The following FAM171A1 variants were observed in gnomAD, a reference collection of about 807,000 sequenced individuals.
FAM171A1 encodes the protein family with sequence similarity 171 member A1, also known as protein FAM171A1.
A neutral mutation model predicts 74.9 loss-of-function variants in FAM171A1; 23 were observed. That is an observed-to-expected ratio of 0.31 (90% CI 0.22 to 0.44). The LOEUF (loss-of-function observed/expected upper bound fraction) is 0.44, where lower values mean the gene tolerates loss of function less well. Ranked by LOEUF, FAM171A1 falls within the 20% of genes least tolerant of loss-of-function variation. The pLI is 1.00. For synonymous variants in FAM171A1, 527 were observed against 505.7 expected (o/e 1.04, Z -0.57); for missense variants, 1,162 against 1,159.2 (o/e 1.00, Z -0.03).
chr10:15,234,784 C>A (rs1163373784), intron 5 of FAM171A1, among the ~76,000 whole-genome samples: 1 of 151,940 alleles, frequency 6.6e-6, no homozygotes, highest in Non-Finnish European at 1.5e-5. Flanking sequence ...TCCCGAGTAG[C>A]TGGGACTACA....
rs1319684342 is a variant in FAM171A1 at position 15,325,166 on chromosome 10, G to T, written c.98-41061C>A. Among the ~76,000 whole-genome samples, 6 of 152,274 alleles carry T rather than the reference G, an allele frequency of 3.9e-5. No homozygotes were observed. In the East Asian group the frequency reaches 1.2e-3, roughly 29 times the overall value. The stretch of plus-strand genomic sequence containing the variant: ...TGCAGAAAACACTCTACAATTTCCA[G>T]CTGTTCCAGCTGTTCTTTCTGAAGC... On this transcript the variant is annotated intron_variant, in intron 1 of 7. Transcript: ENST00000378116.
At chr10:15,324,898 G>C (rs1355451125) in intron 1 of FAM171A1, among the ~76,000 whole-genome samples, 3 of 152,182 alleles carry the variant, frequency 2.0e-5, no homozygotes, top group African/African-American at 4.8e-5. Context: ...TCCAATCACT[G>C]AGTAGAAACA....
chr10:15,276,444 G>A (rs1212442124), intron 2 of FAM171A1, among the ~76,000 whole-genome samples: 2 of 152,222 alleles, frequency 1.3e-5, no homozygotes, highest in Non-Finnish European at 2.9e-5. Flanking sequence ...CTCCCAAAGT[G>A]TTGGGATTAC....
chr10:15,361,042 C>T (rs1279216019), intron 1 of FAM171A1, among the ~76,000 whole-genome samples: 1 of 151,978 alleles, frequency 6.6e-6, no homozygotes, highest in Non-Finnish European at 1.5e-5. Context: ...TTTTGCAAGC[C>T]CTCGTCTTAC....
intron 2 of FAM171A1, among the ~76,000 whole-genome samples, chr10:15,276,758 C>CA (rs1251055050): frequency 6.6e-6 from 1 of 152,180 alleles, no homozygotes; most frequent in African/African-American, 2.4e-5. Flanking sequence ...GGTTAGAACT[C>CA]ACTGTAGCCT....
At chr10:15,292,521 C>A (rs1189498460) in intron 1 of FAM171A1, among the ~76,000 whole-genome samples, 1 of 152,140 alleles carries the variant, frequency 6.6e-6, no homozygotes, top group Non-Finnish European at 1.5e-5. Context: ...GGCTCTATTA[C>A]CCAGGCTAGA....
intron 1 of FAM171A1, among the ~76,000 whole-genome samples, chr10:15,301,328 A>G (rs566172303): frequency 6.7e-6 from 1 of 149,786 alleles, no homozygotes; most frequent in Non-Finnish European, 1.5e-5. Flanking sequence ...ACACGCCAAC[A>G]TGCCCACACG....
At chr10:15,313,107 AC>A (rs1185263575) in intron 1 of FAM171A1, among the ~76,000 whole-genome samples, 2 of 152,160 alleles carry the variant, frequency 1.3e-5, no homozygotes, top group Non-Finnish European at 2.9e-5. Context: ...GGAACAAAGC[AC>A]TGGCCCAGAA....
rs116316550 is a variant in FAM171A1 at position 15,345,587 on chromosome 10, C to T, written c.97+25369G>A. 6.8e-3 allele frequency among the ~76,000 whole-genome samples: 1,034 copies of T among 152,140 alleles called. 7 individuals carry two copies. The highest frequency in any genetic ancestry group is 0.023 in the African/African-American group (973 of 41,478). ...TCCAGACAACAGCCACTGCACAGGC[C>T]GGTGGTCAGGAGGGAGGTCTGGACG... On this transcript the variant is annotated intron_variant, in intron 1 of 7. Transcript: ENST00000378116.
At chr10:15,349,323 A>G (rs968693955) in intron 1 of FAM171A1, among the ~76,000 whole-genome samples, 13 of 152,248 alleles carry the variant, frequency 8.5e-5, no homozygotes, top group African/African-American at 3.1e-4. Flanking sequence ...AACTGCATGC[A>G]ATAAACTGTG....
rs368859404 is a variant in FAM171A1 at position 15,214,035 on chromosome 10, T to C, written c.1553A>G (p.His518Arg). ...STGSKLTIQE[H>R]LYPAPSSPEK... is the part of the protein sequence containing the mutation. ...AGGTGATGAAGGCGCGGGGTACAGATGTTCCTGAATGGTGAGTTTGCTTCC... is the reference window on the plus strand; with the variant it reads ...AGGTGATGAAGGCGCGGGGTACAGACGTTCCTGAATGGTGAGTTTGCTTCC... Residue 518 changes from histidine to arginine, a missense_variant, in exon 8 of 8, where the codon CAT (histidine) becomes CGT (arginine). Physicochemically the swap from His to Arg is conservative, Grantham distance 29. Coordinates refer to ENST00000378116, the MANE Select transcript of FAM171A1 (RefSeq NM_001010924.2). 1.5e-5 allele frequency: 25 copies of C among 1,614,030 alleles called. No homozygotes were observed. The highest frequency in any genetic ancestry group is 2.1e-5 in the Non-Finnish European group (25 of 1,180,036).
intron 2 of FAM171A1, among the ~76,000 whole-genome samples, chr10:15,278,985 C>T (rs1045640295): frequency 1.3e-5 from 2 of 152,134 alleles, no homozygotes; most frequent in African/African-American, 4.8e-5. Context: ...CACCTCAAAA[C>T]CCGGGCTAGG....
intron 1 of FAM171A1, among the ~76,000 whole-genome samples, chr10:15,317,230 C>T (rs566284074): frequency 5.3e-5 from 8 of 152,100 alleles, no homozygotes; most frequent in Middle Eastern, 3.4e-3. Flanking sequence ...GAAGTCATGA[C>T]GGGAGAGAGA....
At chr10:15,259,899 C>A (rs1834634254) in intron 3 of FAM171A1, among the ~76,000 whole-genome samples, 1 of 151,866 alleles carries the variant, frequency 6.6e-6, no homozygotes, top group African/African-American at 2.4e-5. Context: ...CATCACAGTT[C>A]ACTGCAGCCT....
intron 4 of FAM171A1, 91 bp downstream of exon 4, chr10:15,254,630 A>G (rs1053397726): frequency 7.1e-7 from 1 of 1,412,328 alleles, no homozygotes; most frequent in Non-Finnish European, 9.7e-7. Context: ...TTTCTCCCAC[A>G]TAGTGCTAAA....
At chr10:15,214,817 G>A (rs1440475958) in intron 7 of FAM171A1, among the ~76,000 whole-genome samples, 1 of 150,170 alleles carries the variant, frequency 6.7e-6, no homozygotes, top group Non-Finnish European at 1.5e-5. Context: ...TTGGAGTGCA[G>A]TGCTATGATC....
At chr10:15,292,747 A>G (rs1195314311) in intron 1 of FAM171A1, among the ~76,000 whole-genome samples, 1 of 152,050 alleles carries the variant, frequency 6.6e-6, no homozygotes, top group Non-Finnish European at 1.5e-5. Context: ...CGTCCTCCCA[A>G]CATGCTGGGA....
intron 3 of FAM171A1, among the ~76,000 whole-genome samples, chr10:15,256,740 C>T (rs1834585267): frequency 6.6e-6 from 1 of 152,162 alleles, no homozygotes; most frequent in South Asian, 2.1e-4. Context: ...CTGCCACCTC[C>T]TTGGTCTGTG....
chr10:15,227,963 G>A (rs754483581), intron 5 of FAM171A1, among the ~76,000 whole-genome samples: 71 of 152,026 alleles, frequency 4.7e-4, no homozygotes, highest in Non-Finnish European at 8.2e-4. Context: ...TTCCTGCTTG[G>A]TTACCAACCA....
Sources: allele counts gnomAD v4.1 joint callset (sites outside exome capture counted in the v4.1 genomes callset), GRCh38; gene constraint gnomAD v4.1.1; transcripts MANE v1.5; gene names NCBI Gene and HGNC (gene_info 2026-07-23, HGNC 2026-07-21).